Variants in TRMT11 observed in about 807,000 individuals in gnomAD.
TRMT11 encodes tRNA (guanine(10)-N(2))-methyltransferase TRMT11.
A neutral mutation model predicts 62.8 loss-of-function variants in TRMT11; 53 were observed. The observed-to-expected ratio is 0.84, with a 90% CI of 0.68 to 1.06. TRMT11 has a LOEUF of 1.06. TRMT11 is among the 50% of genes least tolerant of loss of function. TRMT11 has a pLI of 0.00. For missense variants in TRMT11, 556 were observed against 553.4 expected, an observed-to-expected ratio of 1.00 and a Z score of -0.05; for synonymous variants, 188 against 190.3, an observed-to-expected ratio of 0.99 and a Z score of 0.10.
chr6:126,248,341 T>G, the TRMT11 span, among the ~76,000 whole-genome samples: 1 of 152,104 alleles, frequency 6.6e-6, no homozygotes, highest in Non-Finnish European at 1.5e-5. Context: ...TAAACTAAAG[T>G]ATTCAGAAAT....
rs531025339 is a variant in TRMT11 at position 126,058,434 on chromosome 6, A to T, written c.*1437+5244A>T. 2.0e-5 allele frequency among the ~76,000 whole-genome samples: 3 copies of T among 152,330 alleles called. No homozygotes were observed. The South Asian group carries it at 6.2e-4, about 32-fold the overall frequency. On this transcript the variant is annotated intron_variant and NMD_transcript_variant, in intron 17 of 22. Transcript: ENST00000648977. Reference sequence around the variant, plus strand: ...TAAACATACATGTGCATGTGTCTTTATAGTAGAATGATTTATAATCCTTTA... The same window carrying T: ...TAAACATACATGTGCATGTGTCTTTTTAGTAGAATGATTTATAATCCTTTA...
At chr6:126,085,715 G>A (rs553648732) in intron 17 of TRMT11, among the ~76,000 whole-genome samples, 1 of 152,246 alleles carries the variant, frequency 6.6e-6, no homozygotes, top group Admixed American at 6.5e-5. Flanking sequence ...AAAACAAATG[G>A]ATGATTGAGG....
chr6:126,257,819 A>G, the TRMT11 span: 1 of 841,306 alleles, frequency 1.2e-6, no homozygotes, highest in Non-Finnish European at 2.0e-6. Flanking sequence ...AGACCTGCTC[A>G]TGGCACTGAG....
At chr6:126,107,591 G>GGCTGA (rs1474977695) in intron 17 of TRMT11, among the ~76,000 whole-genome samples, 1 of 152,122 alleles carries the variant, frequency 6.6e-6, no homozygotes, top group Non-Finnish European at 1.5e-5. Context: ...CGAGTTTGTG[G>GGCTGA]GCTGAGCGGC....
At chr6:126,259,986 A>T in the TRMT11 span, among the ~76,000 whole-genome samples, 1 of 152,122 alleles carries the variant, frequency 6.6e-6, no homozygotes, top group Non-Finnish European at 1.5e-5. Flanking sequence ...TGCAGGCAGA[A>T]TATAGTTGGG....
At chr6:126,257,220 T>C in the TRMT11 span, among the ~76,000 whole-genome samples, 1 of 151,890 alleles carries the variant, frequency 6.6e-6, no homozygotes, top group South Asian at 2.1e-4. Context: ...TTTCTCAGCC[T>C]GTTTTCTGCT....
At chr6:126,073,956 C>T (rs1158855539) in intron 17 of TRMT11, among the ~76,000 whole-genome samples, 1 of 151,984 alleles carries the variant, frequency 6.6e-6, no homozygotes, top group Admixed American at 6.6e-5. Flanking sequence ...GGGTAAAGCC[C>T]CTTATAAAAC....
chr6:126,067,327 A>G (rs1435231689), intron 17 of TRMT11, among the ~76,000 whole-genome samples: 2 of 152,214 alleles, frequency 1.3e-5, no homozygotes, highest in African/African-American at 4.8e-5. Flanking sequence ...AGTATTGCCA[A>G]AGTGCTACTT....
At chr6:126,045,653 T>A (rs1341741064) in intron 16 of TRMT11, among the ~76,000 whole-genome samples, 4 of 152,196 alleles carry the variant, frequency 2.6e-5, no homozygotes, top group African/African-American at 4.8e-5. Context: ...CTCACCAGTT[T>A]GCCAGTTAGC....
chr6:126,062,184 C>T (rs756053383), intron 17 of TRMT11, among the ~76,000 whole-genome samples: 2 of 152,212 alleles, frequency 1.3e-5, no homozygotes, highest in African/African-American at 2.4e-5. Flanking sequence ...CCATGCCTGG[C>T]CAATATTTTT....
At chr6:126,077,507 C>T (rs1777053972) in intron 17 of TRMT11, among the ~76,000 whole-genome samples, 1 of 152,140 alleles carries the variant, frequency 6.6e-6, no homozygotes, top group East Asian at 1.9e-4. Context: ...TAATTTCTTT[C>T]ATCTAATTCT....
intron 21 of TRMT11, among the ~76,000 whole-genome samples, chr6:126,122,395 A>G (rs924797497): frequency 1.3e-5 from 2 of 152,112 alleles, no homozygotes; most frequent in Non-Finnish European, 2.9e-5. Flanking sequence ...GGCTAGGCAT[A>G]GAAACCAGAA....
At chr6:126,038,043 A>G (rs1432004202) in intron 12 of TRMT11, among the ~76,000 whole-genome samples, 2 of 151,998 alleles carry the variant, frequency 1.3e-5, no homozygotes, top group African/African-American at 2.4e-5. Flanking sequence ...AGGAACCTCA[A>G]TTTTCTAAGC....
chr6:126,063,118 C>T (rs1776585644), intron 17 of TRMT11, among the ~76,000 whole-genome samples: 1 of 151,930 alleles, frequency 6.6e-6, no homozygotes, highest in African/African-American at 2.4e-5. Context: ...GAAAGTATTC[C>T]AATGTCATAT....
intron 21 of TRMT11, among the ~76,000 whole-genome samples, chr6:126,123,786 C>T (rs1777677363): frequency 6.6e-6 from 1 of 152,028 alleles, no homozygotes; most frequent in Non-Finnish European, 1.5e-5. Context: ...GGACTTTCTT[C>T]TTGTATAATA....
the TRMT11 span, among the ~76,000 whole-genome samples, chr6:126,220,359 C>A: frequency 6.6e-6 from 1 of 152,142 alleles, no homozygotes; most frequent in Admixed American, 6.5e-5. Flanking sequence ...AACAGAGGAG[C>A]CAGAGCTTGA....
intron 1 of TRMT11, among the ~76,000 whole-genome samples, chr6:126,178,532 C>G (rs1016609348): frequency 2.6e-5 from 4 of 152,198 alleles, no homozygotes; most frequent in Admixed American, 2.6e-4. Context: ...TACAATATAT[C>G]TGTCTCTTCT....
intron 21 of TRMT11, among the ~76,000 whole-genome samples, chr6:126,160,651 G>T (rs1167951378): frequency 1.3e-5 from 2 of 152,004 alleles, no homozygotes; most frequent in South Asian, 4.1e-4. Context: ...ATATACTCTT[G>T]ACCAGCATTA....
At chr6:126,212,202 G>A in the TRMT11 span, among the ~76,000 whole-genome samples, 2 of 151,870 alleles carry the variant, frequency 1.3e-5, no homozygotes, top group South Asian at 2.1e-4. Flanking sequence ...TCCAAATCTC[G>A]GCTATTGTGA....
Sources: allele counts gnomAD v4.1 joint callset (sites outside exome capture counted in the v4.1 genomes callset), GRCh38; gene constraint gnomAD v4.1.1; transcripts MANE v1.5; gene names NCBI Gene and HGNC (gene_info 2026-07-23, HGNC 2026-07-21).